NUDC: variants seen among roughly 807,000 people sequenced by gnomAD.
NUDC encodes nuclear distribution C, dynein complex regulator.
NUDC carries 14 observed loss-of-function variants against 45.0 expected under a neutral mutation model. The observed-to-expected ratio is 0.31, with a 90% CI of 0.21 to 0.49. The LOEUF is 0.49. Among genes scored for constraint, NUDC ranks in the 20% least tolerant of loss-of-function variants. The pLI is 0.99. For synonymous variants in NUDC, 153 were observed against 156.7 expected (o/e 0.98, Z 0.17); for missense variants, 323 against 426.2 (o/e 0.76, Z 2.13).
intron 2 of NUDC, among the ~76,000 whole-genome samples, chr1:26,907,468 G>A (rs138804175): frequency 7.2e-4 from 109 of 152,288 alleles, no homozygotes; most frequent in African/African-American, 2.3e-3. Context: ...GGTACAAATG[G>A]AGGTTGAGAG....
In NUDC at chr1:26,935,224, C is replaced by T. The variant is rs1224193366; in HGVS notation, c.160-6233C>T. On this transcript the variant is annotated intron_variant, in intron 2 of 8. Coordinates refer to ENST00000321265, the MANE Select transcript of NUDC (RefSeq NM_006600.4). ...CTCGAACTCCTGACGTCAGGTGTTC[C>T]GTGCCCCCTTGGCCTCCCAAAGTGT... Among the ~76,000 whole-genome samples the T allele has an allele frequency of 3.3e-5, 5 of 152,130 alleles. No homozygotes were observed. The East Asian group carries it at 7.7e-4, about 24-fold the overall frequency.
intron 2 of NUDC, among the ~76,000 whole-genome samples, chr1:26,927,656 A>G (rs1454678906): frequency 6.6e-6 from 1 of 151,882 alleles, no homozygotes; most frequent in East Asian, 1.9e-4. Flanking sequence ...TCGGCCCCTC[A>G]AAGTGCTGGG....
intron 2 of NUDC, among the ~76,000 whole-genome samples, chr1:26,935,690 TATCATATATCATCTAGTCA>T (rs2082223819): frequency 6.6e-6 from 1 of 151,992 alleles, no homozygotes; most frequent in Non-Finnish European, 1.5e-5. Context: ...AACTAGATGA[TATCATATATCATCTAGTCA>T]AGACATTTGT....
rs201662428 is a variant in NUDC at position 26,943,026 on chromosome 1, C to T, written c.702C>T (p.Leu234=). Residue 234 remains leucine, a synonymous_variant, in exon 6 of 9, where the codon CTC becomes CTT. Coordinates refer to ENST00000321265, the MANE Select transcript of NUDC (RefSeq NM_006600.4). ...TGAAGGTGGAGGAGAGCTCGTGGCT[C>T]ATTGAGGACGGCAAGGTGGTGACTG... ...NEVKVEESSW[L]IEDGKVVTVH... The T allele has an allele frequency of 7.4e-6, 12 of 1,614,076 alleles. No homozygotes were observed. Among genetic ancestry groups the T allele is most frequent in the Non-Finnish European group, 1.0e-5 (12 of 1,180,018 alleles).
chr1:26,917,609 T>A (rs2082068075), upstream of NUDC, among the ~76,000 whole-genome samples: 1 of 151,614 alleles, frequency 6.6e-6, no homozygotes, highest in Non-Finnish European at 1.5e-5. Context: ...AGAAACCACC[T>A]GGGCATGGTG....
chr1:26,933,399 T>C (rs979226054), intron 2 of NUDC, among the ~76,000 whole-genome samples: 19 of 152,090 alleles, frequency 1.2e-4, no homozygotes, highest in Non-Finnish European at 2.6e-4. Context: ...TTGGATCATA[T>C]GGTAGTTTTT....
chr1:26,937,308 G>A (rs1286765728), intron 2 of NUDC, among the ~76,000 whole-genome samples: 4 of 152,132 alleles, frequency 2.6e-5, no homozygotes, highest in African/African-American at 9.7e-5. Flanking sequence ...TCTCACGCAG[G>A]TTGTAGTGCA....
upstream of NUDC, among the ~76,000 whole-genome samples, chr1:26,921,128 A>G (rs1237157776): frequency 1.3e-5 from 2 of 152,230 alleles, no homozygotes; most frequent in African/African-American, 4.8e-5. Context: ...CCGCATTAAC[A>G]GAAGTGAAGG....
Position 26,945,637 on chromosome 1 carries a change from A to G in NUDC, c.895A>G (p.Met299Val), listed in dbSNP as rs760902643. 63 of 1,614,084 alleles carry G rather than the reference A, an allele frequency of 3.9e-5. No homozygotes were observed. The highest frequency in any genetic ancestry group is 4.8e-5 in the Non-Finnish European group (57 of 1,180,042). ...GATGTATGACCAGCGACAGAAGTCC[A>G]TGGGGCTGCCAACTTCAGACGAACA... Reference protein sequence around the residue: ...KMMYDQRQKSMGLPTSDEQKK... With the variant: ...KMMYDQRQKSVGLPTSDEQKK... The change falls in exon 8 of 9, where the codon ATG becomes GTG. Residue 299 changes from methionine to valine, a missense_variant. Around this residue, in one of 3 missense-constraint regions of NUDC, gnomAD observed 54 missense variants for 100.2 expected, o/e 0.54. Transcript: ENST00000321265.
intron 2 of NUDC, among the ~76,000 whole-genome samples, chr1:26,928,645 C>T (rs748398918): frequency 9.9e-5 from 15 of 152,060 alleles, no homozygotes; most frequent in East Asian, 1.9e-4. Flanking sequence ...TTCAGTGAGC[C>T]GTGATTGTGT....
At chr1:26,921,712 A>C, upstream of NUDC, 1 of 931,306 alleles carries the variant, frequency 1.1e-6, no homozygotes, top group Non-Finnish European at 1.7e-6. Flanking sequence ...GGGCCTGGGC[A>C]GCCGCGCGCG....
At position 26,901,584 on chromosome 1, in the gene NUDC, T is replaced by C. The variant is rs76778568; in HGVS notation, c.-100-698T>C. Among the ~76,000 whole-genome samples, 16 of 152,092 alleles carry C rather than the reference T, an allele frequency of 1.1e-4. No individual in the cohort carries two copies. The East Asian group carries it at 2.9e-3, about 28-fold the overall frequency. ...CACGCCCGGCTAATTTTTGTATTTT[T>C]AGTAGAGACGGGGTTTCACCATATT... On this transcript the variant is annotated intron_variant, in intron 1 of 6. Transcript: ENST00000435827.
intron 2 of NUDC, among the ~76,000 whole-genome samples, chr1:26,940,959 G>T (rs1205907720): frequency 6.8e-6 from 1 of 147,650 alleles, no homozygotes; most frequent in Non-Finnish European, 1.5e-5. Flanking sequence ...GTCTTGCTCT[G>T]TCACCAGGCT....
intron 2 of NUDC, among the ~76,000 whole-genome samples, chr1:26,937,519 C>T (rs771112049): frequency 1.3e-5 from 2 of 151,672 alleles, no homozygotes; most frequent in African/African-American, 2.4e-5. Context: ...TGAGCTCAAG[C>T]GATCTGCCCG....
At chr1:26,913,915 C>T in intron 3 of NUDC, 1 of 1,483,504 alleles carries the variant, frequency 6.7e-7, no homozygotes, top group Non-Finnish European at 9.0e-7. Flanking sequence ...CTGGCATGGG[C>T]AGGCCCCTGG....
At chr1:26,922,674 G>A (rs2082101182) in intron 1 of NUDC, among the ~76,000 whole-genome samples, 1 of 152,244 alleles carries the variant, frequency 6.6e-6, no homozygotes, top group Non-Finnish European at 1.5e-5. Flanking sequence ...CAGAGCCAGA[G>A]AAGTGGCAAG....
chr1:26,945,212 C>G, intron 6 of NUDC, 178 bp from the exon 7 acceptor site: 1 of 651,128 alleles, frequency 1.5e-6, no homozygotes, highest in Admixed American at 2.3e-5. Context: ...CTCTTTGCCT[C>G]TGTGTCTCCC....
rs1361107466 is a variant in NUDC, at chr1:26,941,473, T to C, written c.176T>C (p.Phe59Ser). 1 of 1,613,896 alleles carries C rather than the reference T, an allele frequency of 6.2e-7. No individual in the cohort carries two copies. The highest frequency in any genetic ancestry group is 8.5e-7 in the Non-Finnish European group (1 of 1,179,998). Residue 59 changes from phenylalanine to serine, a missense_variant, in exon 3 of 9, where the codon TTC becomes TCC. By Grantham distance (155) the Phe-to-Ser change is radical (BLOSUM62 -2). Around this residue, in one of 3 missense-constraint regions of NUDC, gnomAD observed 245 missense variants for 278.8 expected, o/e 0.88. Coordinates refer to ENST00000321265, the MANE Select transcript of NUDC (RefSeq NM_006600.4). The stretch of plus-strand genomic sequence containing the variant: ...CCTCTCCAGCTTATCACACAGACTT[T>C]CAGCCACCACAATCAGCTGGCACAG... ...GMAEKLITQT[F>S]SHHNQLAQKT...
chr1:26,918,343 G>A (rs369363041), upstream of NUDC, among the ~76,000 whole-genome samples: 14 of 145,576 alleles, frequency 9.6e-5, no homozygotes, highest in African/African-American at 2.3e-4. Context: ...GCCCAATCTC[G>A]GCTCACTGCA....
Sources: allele counts gnomAD v4.1 joint callset (sites outside exome capture counted in the v4.1 genomes callset), GRCh38; gene constraint gnomAD v4.1.1; regional missense constraint gnomAD v4.1.1; transcripts MANE v1.5; gene names NCBI Gene and HGNC (gene_info 2026-07-23, HGNC 2026-07-21).